The following IGSF9B variants were observed in gnomAD, a reference collection of about 807,000 sequenced individuals.
IGSF9B encodes protein turtle homolog B.
Under a neutral mutation model 143.7 loss-of-function variants are expected in IGSF9B, and 48 were observed. The ratio of observed to expected loss-of-function variants is 0.33; its 90% CI spans 0.26 to 0.42. The LOEUF is 0.42. Ranked by LOEUF, IGSF9B falls within the 20% of genes least tolerant of loss-of-function variation. IGSF9B has a pLI of 1.00. For synonymous variants in IGSF9B, 903 were observed against 833.1 expected (o/e 1.08, Z -1.44); for missense variants, 1,706 against 1,980.0 (o/e 0.86, Z 2.63).
At position 133,919,126 on chromosome 11, in the gene IGSF9B, G is replaced by GGC. The variant is rs1555086517; in HGVS notation, c.3983+615_3983+616insGC. The GGC allele has an allele frequency of 2.1e-4, 76 of 362,536 alleles. 2 individuals are homozygous for GGC. Among genetic ancestry groups the GGC allele is most frequent in the Non-Finnish European group, 3.1e-4 (56 of 178,164 alleles). The allele number at this position is 362,536 out of a possible 1,614,324, so 22.5% of individuals were successfully genotyped here. A position where few individuals can be genotyped will look rare whatever the true frequency, so the allele number is the denominator to read the frequency against. ...GCTTCCTGCGAGGTATACGGGGGGGGGGTGGGGGACGTGTCCTGCACATGG... is the reference window on the plus strand; with the variant it reads ...GCTTCCTGCGAGGTATACGGGGGGGGGCGGTGGGGGACGTGTCCTGCACATGG... On this transcript the variant is annotated intron_variant, in intron 18 of 19. Transcript: ENST00000533871.
intron 1 of IGSF9B, among the ~76,000 whole-genome samples, chr11:133,954,976 T>C (rs1408320813): frequency 6.6e-6 from 1 of 152,236 alleles, no homozygotes; most frequent in African/African-American, 2.4e-5. Flanking sequence ...CATTCCTTTA[T>C]TCTGGGCTGA....
chr11:133,924,782 G>C, intron 15 of IGSF9B, 38 bp downstream of exon 15: 1 of 1,533,890 alleles, frequency 6.5e-7, no homozygotes, highest in Non-Finnish European at 9.0e-7. Flanking sequence ...TGGGGCTTAT[G>C]TCCCTATAGT....
chr11:133,901,449 T>A lies in IGSF9B; in HGVS notation c.*7620A>T, dbSNP rs1416818096. 6.6e-6 allele frequency: 1 copy of A among 152,188 alleles called. No homozygotes were observed. The highest frequency in any genetic ancestry group is 1.5e-5 in the Non-Finnish European group (1 of 68,034). The allele number at this position is 152,188 out of a possible 1,614,324, so 9.4% of individuals were successfully genotyped here. A position where few individuals can be genotyped will look rare whatever the true frequency, so the allele number is the denominator to read the frequency against. On this transcript the variant is annotated 3_prime_UTR_variant, in exon 20 of 20. Coordinates refer to ENST00000533871, the MANE Select transcript of IGSF9B (RefSeq NM_001277285.4). Reference sequence around the variant, plus strand: ...TAGGTGTTCTTTATATTTATATATGTGTGCAGAGGGCACGGGCCCCTGCCC... The same window carrying A: ...TAGGTGTTCTTTATATTTATATATGAGTGCAGAGGGCACGGGCCCCTGCCC...
Position 133,948,624 on chromosome 11 carries a change from T to TGC in IGSF9B, c.65-2367_65-2366insGC, listed in dbSNP as rs1940101780. Among the ~76,000 whole-genome samples the TGC allele has an allele frequency of 1.4e-5, 1 of 73,740 alleles. No homozygotes were observed. The allele number at this position is 73,740 out of a possible 152,430, so 48.4% of individuals were successfully genotyped here. A position where few individuals can be genotyped will look rare whatever the true frequency, so the allele number is the denominator to read the frequency against. On this transcript the variant is annotated intron_variant, in intron 1 of 19. Transcript: ENST00000533871. The surrounding 1 kb of genome is among the most constrained non-coding windows in gnomAD (Gnocchi z 4.7). ...CATGAGTTTGCAGAGAAGCTGTGTG[T>TGC]GTGTGTGTGTGTGTGTGTGTGTGTG...
At chr11:133,925,674 T>C in intron 14 of IGSF9B, 65 bp downstream of exon 14, 4 of 1,392,528 alleles carry the variant, frequency 2.9e-6, no homozygotes, top group Non-Finnish European at 3.0e-6. Context: ...AAGCTTCCAG[T>C]GCCTCTAGAG....
Position 133,909,105 on chromosome 11 carries a change from C to T in IGSF9B, c.4278G>A (p.Val1426=). The T allele has an allele frequency of 6.5e-7, 1 of 1,535,896 alleles. No homozygotes were observed. The highest frequency in any genetic ancestry group is 8.7e-7 in the Non-Finnish European group (1 of 1,146,748). Residue 1426 remains valine (V), a synonymous_variant, in exon 20 of 20, where the codon GTG becomes GTA. Coordinates refer to ENST00000533871, the MANE Select transcript of IGSF9B (RefSeq NM_001277285.4). This position sits in a 1 kb window ranked among gnomAD's most constrained non-coding sequence, Gnocchi z 4.2. ...PEDQTAILNS[V]DHDDPGHATL... Reference sequence around the variant, plus strand: ...TGGCATGTCCTGGGTCATCGTGGTCCACACTGTTGAGAATCGCTGTCTGGT... The same window carrying T: ...TGGCATGTCCTGGGTCATCGTGGTCTACACTGTTGAGAATCGCTGTCTGGT...
chr11:133,912,296 T>C, intron 18 of IGSF9B: 1 of 570,608 alleles, frequency 1.8e-6, no homozygotes, highest in Non-Finnish European at 3.3e-6. Context: ...AGTAAGCACC[T>C]TCCCATGTAA....
chr11:133,909,333 C>A lies in IGSF9B; in HGVS notation c.4106-56G>T. The A allele has an allele frequency of 7.5e-7, 1 of 1,333,322 alleles. No homozygotes were observed. The highest frequency in any genetic ancestry group is 1.0e-6 in the Non-Finnish European group (1 of 963,496). 82.6% of individuals were successfully genotyped at this position (1,333,322 alleles called of 1,614,324 possible). On this transcript the variant is annotated intron_variant, in intron 19 of 19. Coordinates refer to ENST00000533871, the MANE Select transcript of IGSF9B (RefSeq NM_001277285.4). This position sits in a 1 kb window ranked among gnomAD's most constrained non-coding sequence, Gnocchi z 4.2. Reference sequence around the variant, plus strand: ...GAAGCAAGCGGATGAAAAGGAAGCACGCAGCCTGCTCACCTTTTCCACCTG... The same window carrying A: ...GAAGCAAGCGGATGAAAAGGAAGCAAGCAGCCTGCTCACCTTTTCCACCTG...
At chr11:133,916,223 G>A (rs983077506) in intron 18 of IGSF9B, among the ~76,000 whole-genome samples, 1 of 152,086 alleles carries the variant, frequency 6.6e-6, no homozygotes, top group Non-Finnish European at 1.5e-5. Flanking sequence ...ACAGGTCCAC[G>A]CAATACAACT....
At chr11:133,942,900 AG>A (rs1457079793) in intron 3 of IGSF9B, among the ~76,000 whole-genome samples, 1 of 152,174 alleles carries the variant, frequency 6.6e-6, no homozygotes, top group Non-Finnish European at 1.5e-5. Context: ...TGGGCTAGGC[AG>A]GCTGGACCCA....
rs563919033 is a variant in IGSF9B at position 133,924,981 on chromosome 11, C to G, written c.2035-77G>C. 4.0e-6 allele frequency: 5 copies of G among 1,251,926 alleles called. No homozygotes were observed. In the African/African-American group the frequency reaches 4.4e-5, roughly 11 times the overall value. 77.6% of individuals were successfully genotyped at this position (1,251,926 alleles called of 1,614,324 possible). On this transcript the variant is annotated intron_variant, in intron 14 of 19. Coordinates refer to ENST00000533871, the MANE Select transcript of IGSF9B (RefSeq NM_001277285.4). ...TGTCCCCTCACACACTCATCCTGCACACAGCCTTGCAAAGGGCAGGGCACC... is the reference window on the plus strand; with the variant it reads ...TGTCCCCTCACACACTCATCCTGCAGACAGCCTTGCAAAGGGCAGGGCACC...
chr11:133,925,382 ATTC>A lies in IGSF9B; in HGVS notation c.2034+354_2034+356del, dbSNP rs1246094375. 2.6e-5 allele frequency among the ~76,000 whole-genome samples: 4 copies of A among 152,306 alleles called. No individual in the cohort carries two copies. In the East Asian group the frequency reaches 5.8e-4, roughly 22 times the overall value. On this transcript the variant is annotated intron_variant, in intron 14 of 19. Transcript: ENST00000533871. Reference sequence around the variant, plus strand: ...CTTCCCTGGACACACCTAGAAGAGAATTCTTCTTGGAACTTCTCTGCCCACCCC... The same window carrying A: ...CTTCCCTGGACACACCTAGAAGAGAATTCTTGGAACTTCTCTGCCCACCCC...
At chr11:133,937,585 T>A in intron 4 of IGSF9B, 92 bp from the exon 5 acceptor site, 2 of 1,124,048 alleles carry the variant, frequency 1.8e-6, no homozygotes, top group Non-Finnish European at 2.6e-6. Context: ...GACACTAAGG[T>A]GGAGATGACC....
Position 133,919,129 on chromosome 11 carries a change from T to TGGGGGGGGGGGGGG in IGSF9B, c.3983+612_3983+613insCCCCCCCCCCCCCC, listed in dbSNP as rs756305133. ...TCCTGCGAGGTATACGGGGGGGGGG[T>TGGGGGGGGGGGGGG]GGGGGACGTGTCCTGCACATGGTCA... On this transcript the variant is annotated intron_variant, in intron 18 of 19. Coordinates refer to ENST00000533871, the MANE Select transcript of IGSF9B (RefSeq NM_001277285.4). 1.2e-3 allele frequency: 207 copies of TGGGGGGGGGGGGGG among 175,842 alleles called. 4 individuals are homozygous for TGGGGGGGGGGGGGG. The highest frequency in any genetic ancestry group is 1.5e-3 in the South Asian group (37 of 24,694). 10.9% of individuals were successfully genotyped at this position (175,842 alleles called of 1,614,324 possible).
Position 133,899,435 on chromosome 11 carries a change from C to A in IGSF9B, c.*9634G>T, listed in dbSNP as rs975789389. 27 of 152,376 alleles carry A rather than the reference C, an allele frequency of 1.8e-4. No homozygotes were observed. Among genetic ancestry groups the A allele is most frequent in the African/African-American group, 4.6e-4 (19 of 41,474 alleles). 9.4% of individuals were successfully genotyped at this position (152,376 alleles called of 1,614,324 possible). A position where few individuals can be genotyped will look rare whatever the true frequency, so the allele number is the denominator to read the frequency against. On this transcript the variant is annotated 3_prime_UTR_variant, in exon 20 of 20. Coordinates refer to ENST00000533871, the MANE Select transcript of IGSF9B (RefSeq NM_001277285.4). The stretch of plus-strand genomic sequence containing the variant: ...TTGCTGAGCAGTGGAGCAGAAAGGT[C>A]ACAGGTAGGCACTAACATCCCCTCC...
Position 133,901,853 on chromosome 11 carries a change from ACCACACACG to A in IGSF9B, c.*7207_*7215del, listed in dbSNP as rs1455869282. ...ACAAACACACACACACCACACACGC[ACCACACACG>A]CACCACACACGCACCACACACACAC... On this transcript the variant is annotated 3_prime_UTR_variant, in exon 20 of 20. Coordinates refer to ENST00000533871, the MANE Select transcript of IGSF9B (RefSeq NM_001277285.4). 1.5e-4 allele frequency among the ~76,000 whole-genome samples: 22 copies of A among 142,278 alleles called. No individual in the cohort carries two copies. Among genetic ancestry groups the A allele is most frequent in the East Asian group, 6.4e-4 (3 of 4,654 alleles). The allele number at this position is 142,278 out of a possible 152,430, so 93.3% of individuals were successfully genotyped here. A position where few individuals can be genotyped will look rare whatever the true frequency, so the allele number is the denominator to read the frequency against.
At chr11:133,956,604 G>T in intron 1 of IGSF9B, 87 bp downstream of exon 1, 1 of 901,228 alleles carries the variant, frequency 1.1e-6, no homozygotes, top group Non-Finnish European at 1.7e-6. Context: ...GAACCGGGGG[G>T]CCAAGGAGCC....
intron 1 of IGSF9B, among the ~76,000 whole-genome samples, 161 bp downstream of exon 1, chr11:133,956,530 C>CG (rs1940257601): frequency 0.011 from 1 of 92 alleles, no homozygotes; most frequent in African/African-American, 0.038. Context: ...GCAATGCTCC[C>CG]GGGCCGCCTG....
intron 1 of IGSF9B, 40 bp downstream of exon 1, chr11:133,956,651 G>C: frequency 7.0e-7 from 1 of 1,423,534 alleles, no homozygotes; most frequent in East Asian, 2.8e-5. Flanking sequence ...GGCCGAGGGC[G>C]CCGGGAGGGG....
Sources: gnomAD v4.1 joint callset for allele counts (sites outside exome capture counted in the v4.1 genomes callset) on GRCh38, gnomAD v4.1.1 for gene constraint, Gnocchi (gnomAD v3.1) non-coding constraint, MANE v1.5 for transcripts, NCBI Gene and HGNC (gene_info 2026-07-23, HGNC 2026-07-21) for gene names.